The following DMD variants were observed in gnomAD, a reference collection of about 807,000 sequenced individuals.
DMD encodes dystrophin.
In DMD, 63 loss-of-function variants were observed where a neutral mutation model predicts 330.1. The observed-to-expected ratio is 0.19, with a 90% CI of 0.16 to 0.24. The LOEUF (loss-of-function observed/expected upper bound fraction) is 0.24. Among genes scored for constraint, DMD ranks in the 10% least tolerant of loss-of-function variants. The pLI, the probability that DMD is intolerant of heterozygous loss-of-function variation, is 1.00. For missense variants in DMD, 3,344 were observed against 2,684.1 expected (o/e 1.25, Z -5.43); for synonymous variants, 1,223 against 959.8 (o/e 1.27, Z -5.07).
intron 47 of DMD, among the ~76,000 whole-genome samples, chrX:31,892,568 G>T (rs921269261): frequency 5.4e-5 from 6 of 111,342 alleles, no homozygotes; most frequent in Admixed American, 3.8e-4. Context: ...TTATCCTTAT[G>T]CAAACATCAT....
intron 2 of DMD, among the ~76,000 whole-genome samples, chrX:33,002,656 C>G (rs768430006): frequency 4.3e-4 from 47 of 109,642 alleles, no homozygotes; most frequent in African/African-American, 1.5e-3. Flanking sequence ...TTGGGAACAG[C>G]CAATTTCCCA....
intron 55 of DMD, among the ~76,000 whole-genome samples, chrX:31,587,072 C>T (rs763984561): frequency 2.2e-4 from 24 of 110,882 alleles, no homozygotes; most frequent in African/African-American, 7.9e-4. Context: ...AATTTGATAC[C>T]TTTAAAGATG....
At chrX:33,263,438 A>AAT (rs765418939) in intron 1 of DMD, among the ~76,000 whole-genome samples, 2,721 of 103,865 alleles carry the variant, frequency 0.026, 78 homozygotes, top group African/African-American at 0.083. Context: ...CTTTTTAAAA[A>AAT]ATATATATAT....
intron 2 of DMD, among the ~76,000 whole-genome samples, chrX:32,870,321 G>T (rs1029412613): frequency 9.0e-6 from 1 of 111,535 alleles, no homozygotes; most frequent in African/African-American, 3.3e-5. Flanking sequence ...CCATGCTCAT[G>T]GATAGAATCA....
At chrX:31,768,582 A>G (rs1247706775) in intron 51 of DMD, among the ~76,000 whole-genome samples, 1 of 110,657 alleles carries the variant, frequency 9.0e-6, no homozygotes, top group African/African-American at 3.3e-5. Context: ...CTCTCAAAGC[A>G]AAACCCAGGA....
intron 7 of DMD, among the ~76,000 whole-genome samples, chrX:32,732,912 A>G (rs1440169874): frequency 9.0e-6 from 1 of 111,211 alleles, no homozygotes; most frequent in African/African-American, 3.3e-5. Context: ...ACACATAACA[A>G]TATTAACCTT....
At chrX:33,325,570 A>AATC (rs1394600818) in intron 1 of DMD, among the ~76,000 whole-genome samples, 1 of 112,278 alleles carries the variant, frequency 8.9e-6, no homozygotes, top group Non-Finnish European at 1.9e-5. Flanking sequence ...GCTGTAAACC[A>AATC]ATCACGCATT....
intron 49 of DMD, among the ~76,000 whole-genome samples, chrX:31,833,293 G>GAGAGA (rs1569464426): frequency 5.7e-3 from 80 of 13,932 alleles, no homozygotes; most frequent in Non-Finnish European, 7.0e-3. Context: ...AGAGAGAGAG[G>GAGAGA]GAGAGAGGGA....
intron 44 of DMD, among the ~76,000 whole-genome samples, chrX:32,046,119 T>G (rs2096062856): frequency 8.9e-6 from 1 of 112,561 alleles, no homozygotes; most frequent in Admixed American, 9.4e-5. Context: ...CAGAATAATC[T>G]ACCTATATAG....
At chrX:31,222,392 C>CAAAAA (rs57227723) in intron 64 of DMD, among the ~76,000 whole-genome samples, 18 of 20,598 alleles carry the variant, frequency 8.7e-4, no homozygotes, top group African/African-American at 2.0e-3. Flanking sequence ...GACTCCATCT[C>CAAAAA]AAAAAAAAAA....
intron 67 of DMD, among the ~76,000 whole-genome samples, chrX:31,198,826 T>C (rs1487496752): frequency 8.9e-6 from 1 of 112,418 alleles, no homozygotes; most frequent in East Asian, 2.8e-4. Flanking sequence ...TACTTGGTTT[T>C]ATCTGAAGAT....
At chrX:31,668,792 C>T (rs2081578080) in intron 53 of DMD, among the ~76,000 whole-genome samples, 1 of 111,624 alleles carries the variant, frequency 9.0e-6, no homozygotes, top group Non-Finnish European at 1.9e-5. Context: ...CTCTGGTAAC[C>T]ACCATTCTAC....
intron 9 of DMD, among the ~76,000 whole-genome samples, chrX:32,664,459 T>C (rs938226546): frequency 3.5e-4 from 39 of 110,072 alleles, no homozygotes; most frequent in African/African-American, 1.3e-3. Context: ...GCCAGGATGG[T>C]CTCGATCTCC....
chrX:31,839,813 C>A (rs1427120329), intron 48 of DMD, among the ~76,000 whole-genome samples: 1 of 111,411 alleles, frequency 9.0e-6, no homozygotes, highest in South Asian at 3.7e-4. Flanking sequence ...TTTATATAAC[C>A]AACATCTGAA....
At chrX:31,473,256 C>T (rs570202989) in intron 59 of DMD, among the ~76,000 whole-genome samples, 2 of 107,966 alleles carry the variant, frequency 1.9e-5, no homozygotes, top group South Asian at 8.3e-4. Flanking sequence ...GTAATCCCAG[C>T]TACTCAGGAG....
intron 7 of DMD, among the ~76,000 whole-genome samples, chrX:32,742,311 A>G: frequency 8.9e-6 from 1 of 112,214 alleles, no homozygotes; most frequent in Non-Finnish European, 1.9e-5. Flanking sequence ...TTTTTATTAA[A>G]TATTCTTCGT....
intron 43 of DMD, among the ~76,000 whole-genome samples, chrX:32,240,895 T>C (rs2097206055): frequency 9.0e-6 from 1 of 111,345 alleles, no homozygotes; most frequent in African/African-American, 3.3e-5. Context: ...TTTTAAGGGA[T>C]TCAAAACAAC....
chrX:31,204,145 A>T, intron 66 of DMD, 27 bp from the exon 67 acceptor site: 1 of 1,198,390 alleles, frequency 8.3e-7, no homozygotes, highest in Non-Finnish European at 1.1e-6. Flanking sequence ...AAATTGCAAC[A>T]GTCAAAACAC....
rs764891575 is a variant in DMD, at chrX:33,211,138, C to CAT, written c.31+142_31+143dup. 34 of 627,672 alleles carry CAT rather than the reference C, an allele frequency of 5.4e-5. No individual in the cohort carries two copies. Among genetic ancestry groups the CAT allele is most frequent in the East Asian group, 1.5e-4 (4 of 26,515 alleles). The allele number at this position is 627,672 out of a possible 1,213,427, so 51.7% of individuals were successfully genotyped here. A position where few individuals can be genotyped will look rare whatever the true frequency, so the allele number is the denominator to read the frequency against. ...AAAAATATATATTCCTGAATAAATA[C>CAT]ATATATATATGCAGTATATATAACA... On this transcript the variant is annotated intron_variant, in intron 1 of 78. Coordinates refer to ENST00000357033, the MANE Select transcript of DMD (RefSeq NM_004006.3).
Sources: gnomAD v4.1 joint callset for allele counts (sites outside exome capture counted in the v4.1 genomes callset) on GRCh38, gnomAD v4.1.1 for gene constraint, MANE v1.5 for transcripts, NCBI Gene and HGNC (gene_info 2026-07-23, HGNC 2026-07-21) for gene names.